The following CDH12 variants were observed in gnomAD, a reference collection of about 807,000 sequenced individuals.
CDH12 encodes the protein cadherin 12.
Under a neutral mutation model 74.1 loss-of-function variants are expected in CDH12, and 41 were observed. The ratio of observed to expected loss-of-function variants is 0.55; its 90% CI spans 0.43 to 0.72. The LOEUF is 0.72. Among genes scored for constraint, CDH12 ranks in the 30% least tolerant of loss-of-function variants. The pLI, the probability that CDH12 is intolerant of heterozygous loss-of-function variation, is 0.00. For missense variants in CDH12, 945 were observed against 977.2 expected (o/e 0.97, Z 0.44); for synonymous variants, 399 against 355.0 (o/e 1.12, Z -1.39).
At chr5:22,827,131 C>T (rs1262528869) in intron 1 of CDH12, among the ~76,000 whole-genome samples, 1 of 152,292 alleles carries the variant, frequency 6.6e-6, no homozygotes, top group African/African-American at 2.4e-5. Context: ...GGACTTGGTG[C>T]TCTGAGTCCC....
At chr5:22,486,664 G>T (rs370690688) in intron 2 of CDH12, among the ~76,000 whole-genome samples, 5 of 152,114 alleles carry the variant, frequency 3.3e-5, no homozygotes, top group African/African-American at 1.2e-4. Context: ...ATATTGGTCA[G>T]GCTGGTCTTG....
At chr5:22,712,980 A>G (rs1178126222) in intron 1 of CDH12, among the ~76,000 whole-genome samples, 1 of 152,092 alleles carries the variant, frequency 6.6e-6, no homozygotes, top group Admixed American at 6.6e-5. Flanking sequence ...CTTTGTAATG[A>G]GCTCTACGAT....
intron 3 of CDH12, among the ~76,000 whole-genome samples, chr5:22,246,117 T>C (rs2150384196): frequency 6.6e-6 from 1 of 152,288 alleles, no homozygotes; most frequent in South Asian, 2.1e-4. Flanking sequence ...AACAAAATTA[T>C]ACAGTGGATA....
chr5:21,893,029 C>G (rs982137843), intron 6 of CDH12, among the ~76,000 whole-genome samples: 1 of 152,052 alleles, frequency 6.6e-6, no homozygotes, highest in Non-Finnish European at 1.5e-5. Context: ...GCCTTTGATC[C>G]CCTTTATCAC....
At chr5:22,753,361 C>A (rs1044757551) in intron 1 of CDH12, among the ~76,000 whole-genome samples, 1 of 150,226 alleles carries the variant, frequency 6.7e-6, no homozygotes, top group South Asian at 2.1e-4. Context: ...GGCGTGAACC[C>A]GGGAGGCAGA....
At chr5:22,613,545 C>G (rs974274976) in intron 1 of CDH12, among the ~76,000 whole-genome samples, 1 of 152,076 alleles carries the variant, frequency 6.6e-6, no homozygotes, top group African/African-American at 2.4e-5. Context: ...TAAGCCAGTG[C>G]TTTAACCTAT....
At chr5:22,022,453 T>C (rs1247654418) in intron 5 of CDH12, among the ~76,000 whole-genome samples, 2 of 152,174 alleles carry the variant, frequency 1.3e-5, no homozygotes, top group Non-Finnish European at 2.9e-5. Flanking sequence ...TGCCTTCGTA[T>C]AGCTTGTGGA....
chr5:22,152,879 C>T (rs1209484330), intron 4 of CDH12, among the ~76,000 whole-genome samples: 1 of 152,138 alleles, frequency 6.6e-6, no homozygotes, highest in Non-Finnish European at 1.5e-5. Flanking sequence ...CTCTCTGTTC[C>T]TAGCTTATTT....
chr5:22,595,945 A>C (rs269889), intron 1 of CDH12, among the ~76,000 whole-genome samples: 1 of 147,758 alleles, frequency 6.8e-6, no homozygotes, highest in Non-Finnish European at 1.5e-5. Context: ...AATAAATAAA[A>C]AAAATTAAAA....
intron 1 of CDH12, among the ~76,000 whole-genome samples, chr5:22,685,635 T>C (rs1484221182): frequency 6.6e-6 from 1 of 152,232 alleles, no homozygotes; most frequent in Admixed American, 6.5e-5. Context: ...GGATATTTCA[T>C]AGAAATAGAA....
At chr5:22,480,208 AT>A (rs1293203124) in intron 2 of CDH12, among the ~76,000 whole-genome samples, 2 of 148,508 alleles carry the variant, frequency 1.3e-5, no homozygotes, top group East Asian at 2.0e-4. Context: ...TTAGGACATC[AT>A]TTTTTTTTCA....
chr5:21,981,841 CTATT>C (rs1230441054), intron 5 of CDH12, among the ~76,000 whole-genome samples: 1 of 152,002 alleles, frequency 6.6e-6, no homozygotes, highest in Non-Finnish European at 1.5e-5. Context: ...GCTAATTTTT[CTATT>C]TTTTTATTTG....
At chr5:22,748,134 A>G (rs918606098) in intron 1 of CDH12, among the ~76,000 whole-genome samples, 2 of 152,238 alleles carry the variant, frequency 1.3e-5, no homozygotes, top group African/African-American at 4.8e-5. Context: ...ATATGTGTAA[A>G]TTGAAACAAG....
intron 3 of CDH12, among the ~76,000 whole-genome samples, chr5:22,400,950 T>G (rs1439504977): frequency 6.6e-6 from 1 of 152,166 alleles, no homozygotes; most frequent in Non-Finnish European, 1.5e-5. Flanking sequence ...GATATAAATG[T>G]AAGACATTTT....
chr5:22,115,646 C>A (rs1471491885), intron 4 of CDH12, among the ~76,000 whole-genome samples: 1 of 147,086 alleles, frequency 6.8e-6, no homozygotes, highest in Non-Finnish European at 1.5e-5. Flanking sequence ...AATATTTTAG[C>A]TTTGGGTTGT....
chr5:22,061,831 T>A (rs1741207386), intron 5 of CDH12, among the ~76,000 whole-genome samples: 1 of 152,184 alleles, frequency 6.6e-6, no homozygotes, highest in Non-Finnish European at 1.5e-5. Flanking sequence ...ACTTGTACTA[T>A]GTGACACTCT....
intron 1 of CDH12, among the ~76,000 whole-genome samples, chr5:22,816,228 T>A (rs1324417472): frequency 6.6e-6 from 1 of 152,212 alleles, no homozygotes; most frequent in Non-Finnish European, 1.5e-5. Flanking sequence ...TTTTTACTTC[T>A]TTGTGAAAAG....
intron 3 of CDH12, among the ~76,000 whole-genome samples, chr5:22,254,246 T>C (rs1360663091): frequency 6.6e-6 from 1 of 151,864 alleles, no homozygotes; most frequent in Non-Finnish European, 1.5e-5. Flanking sequence ...AGGTACAGAA[T>C]AAAAAATTTC....
At chr5:22,154,309 C>G (rs907196646) in intron 4 of CDH12, among the ~76,000 whole-genome samples, 4 of 151,306 alleles carry the variant, frequency 2.6e-5, no homozygotes, top group Non-Finnish European at 4.4e-5. Context: ...CTATAGTCAC[C>G]ATGCTCTACA....
Sources: allele counts gnomAD v4.1 joint callset (sites outside exome capture counted in the v4.1 genomes callset), GRCh38; gene constraint gnomAD v4.1.1; transcripts MANE v1.5; gene names NCBI Gene and HGNC (gene_info 2026-07-23, HGNC 2026-07-21).